DNAJC1: variants seen among roughly 807,000 people sequenced by gnomAD.
DNAJC1 encodes the protein dnaJ homolog subfamily C member 1.
A neutral mutation model predicts 76.6 loss-of-function variants in DNAJC1; 58 were observed. That is an observed-to-expected ratio of 0.76 (90% CI 0.61 to 0.94). DNAJC1 has a LOEUF of 0.94. Among genes scored for constraint, DNAJC1 ranks in the 40% least tolerant of loss-of-function variants. The pLI is 0.00. For missense variants in DNAJC1, 689 were observed against 677.3 expected (o/e 1.02, Z -0.19); for synonymous variants, 258 against 267.9 (o/e 0.96, Z 0.36).
chr10:21,841,749 C>G (rs989867982), intron 8 of DNAJC1, among the ~76,000 whole-genome samples: 1 of 152,138 alleles, frequency 6.6e-6, no homozygotes, highest in African/African-American at 2.4e-5. Flanking sequence ...CATCCCATTA[C>G]TGGGTATATA....
intron 9 of DNAJC1, among the ~76,000 whole-genome samples, chr10:21,802,461 C>A (rs1307610780): frequency 6.6e-6 from 1 of 152,134 alleles, no homozygotes; most frequent in African/African-American, 2.4e-5. Context: ...CAATAGGAAT[C>A]TCCTTGCAGT....
intron 8 of DNAJC1, among the ~76,000 whole-genome samples, chr10:21,869,360 T>C (rs545184767): frequency 2.6e-5 from 4 of 152,174 alleles, no homozygotes; most frequent in African/African-American, 9.6e-5. Context: ...TGACTTCAAT[T>C]CTCCAGACAA....
intron 8 of DNAJC1, among the ~76,000 whole-genome samples, chr10:21,858,867 A>T (rs1835881169): frequency 6.6e-6 from 1 of 152,158 alleles, no homozygotes; most frequent in African/African-American, 2.4e-5. Context: ...TACCTGATGA[A>T]ATCAGAACTT....
intron 3 of DNAJC1, among the ~76,000 whole-genome samples, chr10:21,927,423 C>A (rs376608190): frequency 6.6e-6 from 1 of 152,118 alleles, no homozygotes; most frequent in African/African-American, 2.4e-5. Flanking sequence ...GTATTACCCC[C>A]CTAGTGAAGG....
Position 22,003,298 on chromosome 10 carries a change from C to A in DNAJC1, c.137G>T (p.Arg46Leu), listed in dbSNP as rs773969986. 3.3e-6 allele frequency: 5 copies of A among 1,530,172 alleles called. No individual in the cohort carries two copies. Among genetic ancestry groups the A allele is most frequent in the Non-Finnish European group, 4.4e-6 (5 of 1,139,948 alleles). 94.8% of individuals were successfully genotyped at this position (1,530,172 alleles called of 1,614,324 possible). The change falls in exon 1 of 12, where the codon CGC becomes CTC. Residue 46 changes from arginine to leucine, a missense_variant. By Grantham distance (102) the Arg-to-Leu change is moderately radical. Transcript: ENST00000376980. ...CTCCAGGTCTCCGCTCTCCCAGCCG[C>A]GCGCCGGCGCCACGGCGGCCAGCAG... ...LLLLAAVAPA[R>L]GWESGDLELF... is the part of the protein sequence containing the mutation.
intron 7 of DNAJC1, among the ~76,000 whole-genome samples, chr10:21,900,998 C>T (rs1358254779): frequency 6.6e-6 from 1 of 152,146 alleles, no homozygotes; most frequent in Non-Finnish European, 1.5e-5. Flanking sequence ...TTTTCTCATC[C>T]TGCCACACTG....
At chr10:21,844,794 G>A (rs753416224) in intron 8 of DNAJC1, among the ~76,000 whole-genome samples, 3 of 152,164 alleles carry the variant, frequency 2.0e-5, no homozygotes, top group Non-Finnish European at 4.4e-5. Flanking sequence ...CAACACTTTG[G>A]GAGGCCAAGG....
At chr10:21,834,922 G>C (rs1477128839) in intron 8 of DNAJC1, among the ~76,000 whole-genome samples, 1 of 152,226 alleles carries the variant, frequency 6.6e-6, no homozygotes, top group East Asian at 1.9e-4. Flanking sequence ...CAAACAAAAA[G>C]ACAGCAGTAA....
chr10:21,975,880 A>ATTAC (rs1838053438), intron 1 of DNAJC1, among the ~76,000 whole-genome samples: 1 of 152,166 alleles, frequency 6.6e-6, no homozygotes, highest in African/African-American at 2.4e-5. Flanking sequence ...CTATGAATTG[A>ATTAC]TTACTATTCA....
intron 8 of DNAJC1, among the ~76,000 whole-genome samples, chr10:21,878,857 C>T (rs1465624419): frequency 2.0e-5 from 3 of 151,956 alleles, no homozygotes; most frequent in Admixed American, 1.3e-4. Flanking sequence ...AGACTGTTCA[C>T]AGAAAAATTA....
chr10:21,798,257 C>T (rs944245050), intron 9 of DNAJC1, among the ~76,000 whole-genome samples: 1 of 152,186 alleles, frequency 6.6e-6, no homozygotes, highest in Non-Finnish European at 1.5e-5. Flanking sequence ...CTGAAATAGC[C>T]TCTTACCTGG....
intron 3 of DNAJC1, 42 bp from the exon 4 acceptor site, chr10:21,921,005 T>C (rs767289689): frequency 1.4e-6 from 2 of 1,471,940 alleles, no homozygotes; most frequent in Non-Finnish European, 1.8e-6. Flanking sequence ...GAGTTTAAAA[T>C]AAAAACAAAA....
intron 10 of DNAJC1, 86 bp downstream of exon 10, chr10:21,766,175 C>T (rs1834297706): frequency 1.9e-6 from 2 of 1,059,858 alleles, no homozygotes; most frequent in Non-Finnish European, 2.9e-6. Context: ...CTTCTAGACC[C>T]TTGTATTTAA....
intron 6 of DNAJC1, 69 bp from the exon 7 acceptor site, chr10:21,904,681 C>T (rs1836714560): frequency 9.9e-7 from 1 of 1,007,936 alleles, no homozygotes; most frequent in Admixed American, 2.4e-5. Flanking sequence ...TTCCATGTAA[C>T]TTAACTTTAA....
intron 7 of DNAJC1, among the ~76,000 whole-genome samples, chr10:21,900,763 C>A (rs1836639067): frequency 6.6e-6 from 1 of 152,172 alleles, no homozygotes; most frequent in Admixed American, 6.5e-5. Flanking sequence ...TATGCTGGAG[C>A]TAGTGATCAG....
intron 7 of DNAJC1, among the ~76,000 whole-genome samples, chr10:21,899,635 G>A (rs1212603705): frequency 6.6e-6 from 1 of 152,186 alleles, no homozygotes; most frequent in Admixed American, 6.5e-5. Context: ...CACTGGGCTG[G>A]ACCTCCCTGT....
At chr10:21,859,497 A>G (rs1835889294) in intron 8 of DNAJC1, among the ~76,000 whole-genome samples, 1 of 152,168 alleles carries the variant, frequency 6.6e-6, no homozygotes, top group South Asian at 2.1e-4. Flanking sequence ...CCCCTATTTG[A>G]TATGAAATCA....
chr10:21,806,877 T>A (rs1032200793), intron 8 of DNAJC1, among the ~76,000 whole-genome samples: 1 of 152,156 alleles, frequency 6.6e-6, no homozygotes, highest in African/African-American at 2.4e-5. Flanking sequence ...TTAGAGATTA[T>A]AAACACGCAT....
At chr10:21,952,370 T>C (rs1326937963) in intron 1 of DNAJC1, among the ~76,000 whole-genome samples, 5 of 152,202 alleles carry the variant, frequency 3.3e-5, no homozygotes, top group African/African-American at 4.8e-5. Context: ...AGCTTTTTTT[T>C]CTTCACTGAA....
Sources: allele counts gnomAD v4.1 joint callset (sites outside exome capture counted in the v4.1 genomes callset), GRCh38; gene constraint gnomAD v4.1.1; transcripts MANE v1.5; gene names NCBI Gene and HGNC (gene_info 2026-07-23, HGNC 2026-07-21).